Variants in KCNQ5 observed in about 807,000 individuals in gnomAD.
The protein encoded by KCNQ5 is potassium voltage-gated channel subfamily KQT member 5.
A neutral mutation model predicts 98.2 loss-of-function variants in KCNQ5; 30 were observed. The observed-to-expected ratio is 0.31, with a 90% confidence interval of 0.23 to 0.41. The LOEUF (loss-of-function observed/expected upper bound fraction) is 0.41. Ranked by LOEUF, KCNQ5 falls within the 10% of genes least tolerant of loss-of-function variation. The probability of loss-of-function intolerance (pLI) is 1.00; values close to 1 mark genes in which losing one functional copy is unlikely to be tolerated. For synonymous variants in KCNQ5, 458 were observed against 449.4 expected (o/e 1.02, Z -0.24); for missense variants, 835 against 1,182.5 (o/e 0.71, Z 4.31).
intron 1 of KCNQ5, among the ~76,000 whole-genome samples, chr6:72,782,720 G>T (rs556124097): frequency 1.1e-4 from 16 of 151,686 alleles, no homozygotes; most frequent in Admixed American, 3.9e-4. Flanking sequence ...ATAATACCTG[G>T]TTTTTTATCA....
chr6:73,150,669 C>G lies in KCNQ5; in HGVS notation c.1468+17028C>G, dbSNP rs553826436. ...GGCACATACATGCTATGGAATACTACTCAGCAGTAAAGATGAGTGAAGTAT... is the reference window on the plus strand; with the variant it reads ...GGCACATACATGCTATGGAATACTAGTCAGCAGTAAAGATGAGTGAAGTAT... On this transcript the variant is annotated intron_variant, in intron 10 of 13. Coordinates refer to ENST00000370398, the MANE Select transcript of KCNQ5 (RefSeq NM_019842.4). Among the ~76,000 whole-genome samples the G allele has an allele frequency of 3.3e-5, 5 of 151,316 alleles. 1 individual carries two copies. The Middle Eastern group carries it at 0.017, about 522-fold the overall frequency.
intron 1 of KCNQ5, among the ~76,000 whole-genome samples, chr6:72,761,364 T>G (rs1223019458): frequency 1.3e-5 from 2 of 151,998 alleles, no homozygotes; most frequent in Non-Finnish European, 2.9e-5. Context: ...TCCATATATT[T>G]CAGTAGATTC....
chr6:72,898,397 C>G (rs959135676), intron 1 of KCNQ5, among the ~76,000 whole-genome samples: 2 of 152,162 alleles, frequency 1.3e-5, no homozygotes, highest in Admixed American at 6.5e-5. Context: ...CATTGTTCAA[C>G]TCCCACTTAG....
chr6:72,749,626 A>C (rs769017383), intron 1 of KCNQ5, among the ~76,000 whole-genome samples: 1 of 152,136 alleles, frequency 6.6e-6, no homozygotes, highest in Non-Finnish European at 1.5e-5. Context: ...GAAAAGGGAC[A>C]GGGAAATAGT....
At chr6:72,803,077 C>T (rs1318355103) in intron 1 of KCNQ5, among the ~76,000 whole-genome samples, 1 of 152,094 alleles carries the variant, frequency 6.6e-6, no homozygotes, top group African/African-American at 2.4e-5. Flanking sequence ...AATATCAGAA[C>T]CTTACTTGTT....
chr6:72,873,261 T>C (rs1778284864), intron 1 of KCNQ5, among the ~76,000 whole-genome samples: 1 of 152,154 alleles, frequency 6.6e-6, no homozygotes, highest in Admixed American at 6.5e-5. Flanking sequence ...GTTTAATGTT[T>C]TTATTTGTAT....
At chr6:73,068,703 T>C (rs780171475) in intron 3 of KCNQ5, among the ~76,000 whole-genome samples, 1 of 152,190 alleles carries the variant, frequency 6.6e-6, no homozygotes, top group Non-Finnish European at 1.5e-5. Context: ...GGAAGGGATA[T>C]AGCATGTTGT....
At chr6:72,685,852 G>GA (rs1338544606) in intron 1 of KCNQ5, among the ~76,000 whole-genome samples, 1 of 152,176 alleles carries the variant, frequency 6.6e-6, no homozygotes, top group Non-Finnish European at 1.5e-5. Flanking sequence ...TACCATTGCT[G>GA]AGTGGCTTAA....
At chr6:72,701,916 G>A (rs554541186) in intron 1 of KCNQ5, among the ~76,000 whole-genome samples, 2 of 152,088 alleles carry the variant, frequency 1.3e-5, no homozygotes, top group Admixed American at 6.5e-5. Flanking sequence ...CTGGTCTCCA[G>A]CTCCTGGGAT....
intron 1 of KCNQ5, among the ~76,000 whole-genome samples, chr6:72,816,048 C>T (rs1775495564): frequency 6.6e-6 from 1 of 152,040 alleles, no homozygotes; most frequent in African/African-American, 2.4e-5. Context: ...GGAACACCCC[C>T]ACTTGCAGAG....
At chr6:72,833,367 T>C (rs1303430882) in intron 1 of KCNQ5, among the ~76,000 whole-genome samples, 1 of 152,172 alleles carries the variant, frequency 6.6e-6, no homozygotes, top group Non-Finnish European at 1.5e-5. Context: ...ATAACAACAT[T>C]ATTCAGCATT....
chr6:72,900,635 G>A (rs1021739659), intron 1 of KCNQ5, among the ~76,000 whole-genome samples: 2 of 151,278 alleles, frequency 1.3e-5, no homozygotes, highest in Non-Finnish European at 1.5e-5. Flanking sequence ...TATCTTTTTC[G>A]CATAATGACT....
intron 7 of KCNQ5, among the ~76,000 whole-genome samples, chr6:73,118,272 C>T (rs997167229): frequency 6.6e-6 from 1 of 152,196 alleles, no homozygotes; most frequent in Non-Finnish European, 1.5e-5. Flanking sequence ...TGGAAATGTA[C>T]TCCTTGGTGT....
chr6:72,759,875 T>G (rs1320820676), intron 1 of KCNQ5, among the ~76,000 whole-genome samples: 1 of 151,908 alleles, frequency 6.6e-6, no homozygotes, highest in African/African-American at 2.4e-5. Flanking sequence ...CACACACACA[T>G]TCACACACAC....
chr6:73,195,399 T>A lies in KCNQ5; in HGVS notation c.2784T>A (p.His928Gln), dbSNP rs117938048. ...GESTDALSLP[H>Q]VKLK is the part of the protein sequence containing the mutation. ...GTACAGATGCCCTCAGCTTGCCTCA[T>A]GTCAAACTGAAATAAGTTCTTCATT... Residue 928 changes from histidine to glutamine, a missense_variant, in exon 14 of 14, where the codon CAT becomes CAA. Coordinates refer to ENST00000370398, the MANE Select transcript of KCNQ5 (RefSeq NM_019842.4). The A allele has an allele frequency of 6.0e-4, 971 of 1,612,602 alleles. 17 individuals are homozygous for A. The East Asian group carries it at 0.021, about 36-fold the overall frequency.
intron 1 of KCNQ5, among the ~76,000 whole-genome samples, chr6:72,849,186 A>G (rs1034593914): frequency 2.0e-5 from 3 of 152,092 alleles, no homozygotes; most frequent in Admixed American, 2.0e-4. Context: ...TTATGCAGTC[A>G]TCCTTTGATG....
intron 2 of KCNQ5, among the ~76,000 whole-genome samples, chr6:73,014,441 G>A (rs566544595): frequency 6.6e-6 from 1 of 152,174 alleles, no homozygotes; most frequent in South Asian, 2.1e-4. Context: ...ATTTGCTCCT[G>A]TACCCTCCTG....
chr6:73,086,272 C>G (rs1006217390), intron 5 of KCNQ5, among the ~76,000 whole-genome samples: 4 of 152,006 alleles, frequency 2.6e-5, no homozygotes, highest in Admixed American at 2.6e-4. Context: ...CACACATGAT[C>G]CCACCTTCTC....
intron 3 of KCNQ5, among the ~76,000 whole-genome samples, chr6:73,062,045 G>C (rs2150376257): frequency 6.6e-6 from 1 of 152,240 alleles, no homozygotes; most frequent in South Asian, 2.1e-4. Context: ...GAGGTAAATG[G>C]AAGGAGCAAG....
Sources: allele counts gnomAD v4.1 joint callset (sites outside exome capture counted in the v4.1 genomes callset), GRCh38; gene constraint gnomAD v4.1.1; transcripts MANE v1.5; gene names NCBI Gene and HGNC (gene_info 2026-07-23, HGNC 2026-07-21).